Variants in ABCC9 observed in about 807,000 individuals in gnomAD.
ABCC9 encodes the protein ATP-binding cassette sub-family C member 9.
Under a neutral mutation model 188.3 loss-of-function variants are expected in ABCC9, and 95 were observed. That is an observed-to-expected ratio of 0.50 (90% CI 0.43 to 0.60). ABCC9 has a LOEUF of 0.60. Ranked by LOEUF, ABCC9 falls within the 20% of genes least tolerant of loss-of-function variation. The probability of loss-of-function intolerance (pLI) is 0.00; values close to 1 mark genes in which losing one functional copy is unlikely to be tolerated. For missense variants in ABCC9, 1,102 were observed against 1,876.3 expected, an observed-to-expected ratio of 0.59 and a Z score of 7.62; for synonymous variants, 659 against 652.7, an observed-to-expected ratio of 1.01 and a Z score of -0.15.
At chr12:21,934,892 T>G (rs968215578) in intron 3 of ABCC9, among the ~76,000 whole-genome samples, 3 of 152,084 alleles carry the variant, frequency 2.0e-5, no homozygotes, top group Non-Finnish European at 4.4e-5. Flanking sequence ...ATTGGAAGAT[T>G]AGTTATATTT....
At position 21,905,588 on chromosome 12, in the gene ABCC9, A is replaced by G. The variant is rs140596972; in HGVS notation, c.1618+538T>C. Among the ~76,000 whole-genome samples, 3 of 152,178 alleles carry G rather than the reference A, an allele frequency of 2.0e-5. No homozygotes were observed. In the East Asian group the frequency reaches 5.8e-4, roughly 29 times the overall value. On this transcript the variant is annotated intron_variant, in intron 12 of 39. Coordinates refer to ENST00000261200, the MANE Select transcript of ABCC9 (RefSeq NM_020297.4). ...GATGCAAAATAATAATAAAAGCGAG[A>G]TATTTTGTGGCAAAGTTTTCTCGGA...
chr12:21,928,433 AAG>A (rs1284659197), intron 4 of ABCC9, among the ~76,000 whole-genome samples: 1 of 138,852 alleles, frequency 7.2e-6, no homozygotes, highest in African/African-American at 3.1e-5. Context: ...GAAAGAAAAA[AAG>A]AAAAGAAAAG....
intron 21 of ABCC9, 45 bp downstream of exon 21, chr12:21,860,926 T>C: frequency 4.9e-6 from 7 of 1,440,376 alleles, no homozygotes; most frequent in Non-Finnish European, 6.8e-6. Context: ...CAGAAGACTT[T>C]TCTAGATTTT....
chr12:21,805,107 T>C, intron 39 of ABCC9: 1 of 1,606,746 alleles, frequency 6.2e-7, no homozygotes, highest in South Asian at 1.1e-5. Context: ...AGCCATGCCT[T>C]ACTGAGAGGA....
chr12:21,892,801 T>C (rs2137728604), intron 14 of ABCC9, among the ~76,000 whole-genome samples: 1 of 152,344 alleles, frequency 6.6e-6, no homozygotes. Flanking sequence ...AACTGAAGAT[T>C]CTGGTATTTT....
At chr12:21,923,669 G>A (rs1293911015) in intron 5 of ABCC9, 7 of 581,182 alleles carry the variant, frequency 1.2e-5, no homozygotes, top group Non-Finnish European at 1.8e-5. Context: ...CACCTTGTTA[G>A]TGAGTATAAA....
intron 12 of ABCC9, among the ~76,000 whole-genome samples, chr12:21,903,170 A>T (rs966254134): frequency 6.6e-6 from 1 of 152,138 alleles, no homozygotes; most frequent in Non-Finnish European, 1.5e-5. Flanking sequence ...ACAGAACCAA[A>T]GACAAAAACC....
chr12:21,899,183 T>G (rs1035894913), intron 12 of ABCC9, among the ~76,000 whole-genome samples: 1 of 152,096 alleles, frequency 6.6e-6, no homozygotes, highest in African/African-American at 2.4e-5. Context: ...GTTCTTGGAG[T>G]TATTTCTAAA....
At position 21,829,402 on chromosome 12, in the gene ABCC9, C is replaced by A. The variant is rs528487418; in HGVS notation, c.3567-342G>T. The stretch of plus-strand genomic sequence containing the variant: ...ATTTTTAGTAGAGACGAGGTTTCAC[C>A]GTGTTAGCCAGGATGGTCTCGATCT... On this transcript the variant is annotated intron_variant, in intron 30 of 39. Transcript: ENST00000261200. Among the ~76,000 whole-genome samples the A allele has an allele frequency of 3.4e-4, 51 of 151,922 alleles. No homozygotes were observed. The South Asian group carries it at 7.7e-3, about 23-fold the overall frequency.
At chr12:21,848,073 G>A in intron 25 of ABCC9, 77 bp downstream of exon 25, 1 of 1,272,396 alleles carries the variant, frequency 7.9e-7, no homozygotes, top group Non-Finnish European at 1.1e-6. Context: ...TATTCCTCAT[G>A]GAGACACTCA....
At chr12:21,842,916 GAATT>G (rs1944466266) in intron 28 of ABCC9, among the ~76,000 whole-genome samples, 2 of 151,896 alleles carry the variant, frequency 1.3e-5, no homozygotes, top group Non-Finnish European at 2.9e-5. Context: ...TTTTTTGAGT[GAATT>G]AATTTTTCCT....
chr12:21,869,992 C>G (rs1233063996), intron 18 of ABCC9, among the ~76,000 whole-genome samples: 1 of 152,116 alleles, frequency 6.6e-6, no homozygotes, highest in African/African-American at 2.4e-5. Context: ...ATTCCTGGAT[C>G]AAACTAGATG....
At chr12:21,904,730 T>C (rs1246769284) in intron 12 of ABCC9, among the ~76,000 whole-genome samples, 1 of 152,104 alleles carries the variant, frequency 6.6e-6, no homozygotes, top group Admixed American at 6.5e-5. Context: ...CACAATGAGA[T>C]ACCATCTCAT....
intron 16 of ABCC9, among the ~76,000 whole-genome samples, chr12:21,878,599 CAT>C (rs1416174614): frequency 1.3e-5 from 2 of 152,138 alleles, no homozygotes; most frequent in Non-Finnish European, 2.9e-5. Context: ...GACTAGGAAA[CAT>C]ACTCACATCT....
At chr12:21,847,146 C>G (rs1490858433) in intron 25 of ABCC9, among the ~76,000 whole-genome samples, 1 of 152,010 alleles carries the variant, frequency 6.6e-6, no homozygotes, top group Non-Finnish European at 1.5e-5. Flanking sequence ...GTGCTATTAC[C>G]TTATTTTATA....
intron 9 of ABCC9, among the ~76,000 whole-genome samples, chr12:21,910,596 A>G (rs1388427906): frequency 6.6e-6 from 1 of 151,926 alleles, no homozygotes; most frequent in African/African-American, 2.4e-5. Flanking sequence ...GAGATAAATA[A>G]ATGTAAGATT....
intron 5 of ABCC9, chr12:21,923,539 A>G (rs1308188845): frequency 1.5e-5 from 5 of 322,980 alleles, no homozygotes; most frequent in Non-Finnish European, 5.7e-6. Context: ...AGTGTTCAAC[A>G]TAATTAGCAA....
intron 2 of ABCC9, among the ~76,000 whole-genome samples, chr12:21,938,521 A>G (rs1424335498): frequency 2.0e-5 from 3 of 152,174 alleles, no homozygotes; most frequent in South Asian, 2.1e-4. Flanking sequence ...AATAGCTAGT[A>G]ATGAATTTTT....
intron 18 of ABCC9, 36 bp downstream of exon 18, chr12:21,872,589 G>T: frequency 7.0e-7 from 1 of 1,433,598 alleles, no homozygotes; most frequent in South Asian, 1.1e-5. Flanking sequence ...TCAGATGTAT[G>T]ACATAGCAAT....
Sources: allele counts gnomAD v4.1 joint callset (sites outside exome capture counted in the v4.1 genomes callset), GRCh38; gene constraint gnomAD v4.1.1; transcripts MANE v1.5; gene names NCBI Gene and HGNC (gene_info 2026-07-23, HGNC 2026-07-21).